Variants in KCTD8 observed in about 807,000 individuals in gnomAD.
KCTD8 encodes BTB/POZ domain-containing protein KCTD8.
In KCTD8, 27 loss-of-function variants were observed where a neutral mutation model predicts 31.5. The ratio of observed to expected loss-of-function variants is 0.86; its 90% CI spans 0.63 to 1.18. The LOEUF (loss-of-function observed/expected upper bound fraction) is 1.18. Among genes scored for constraint, KCTD8 ranks in the 50% most tolerant of loss-of-function variants. The pLI is 0.00. For missense variants in KCTD8, 658 were observed against 647.7 expected (o/e 1.02, Z -0.17); for synonymous variants, 290 against 280.0 (o/e 1.04, Z -0.36).
chr4:44,193,985 G>A (rs1270804322), intron 1 of KCTD8, among the ~76,000 whole-genome samples: 1 of 152,076 alleles, frequency 6.6e-6, no homozygotes, highest in East Asian at 1.9e-4. Context: ...AGATGTAGAG[G>A]GAATATAACA....
chr4:44,232,565 C>T (rs752942947), intron 1 of KCTD8, among the ~76,000 whole-genome samples: 22 of 152,076 alleles, frequency 1.4e-4, no homozygotes, highest in Non-Finnish European at 2.9e-4. Flanking sequence ...TTACTTTATC[C>T]TTGATTACAG....
chr4:44,416,503 G>A (rs1721080394), intron 1 of KCTD8, among the ~76,000 whole-genome samples: 1 of 152,180 alleles, frequency 6.6e-6, no homozygotes, highest in African/African-American at 2.4e-5. Context: ...CAATGTTGGA[G>A]GCGGGACCTA....
At chr4:44,235,434 CAT>C (rs1439259005) in intron 1 of KCTD8, among the ~76,000 whole-genome samples, 1 of 145,190 alleles carries the variant, frequency 6.9e-6, no homozygotes, top group Non-Finnish European at 1.5e-5. Flanking sequence ...CATACATAAA[CAT>C]CTCTCTATCT....
intron 1 of KCTD8, among the ~76,000 whole-genome samples, chr4:44,247,554 G>A (rs1241692782): frequency 2.6e-5 from 4 of 151,824 alleles, no homozygotes; most frequent in African/African-American, 7.2e-5. Flanking sequence ...ATGTCAATAA[G>A]CATATCTCTA....
At chr4:44,228,743 TA>T (rs1715037393) in intron 1 of KCTD8, among the ~76,000 whole-genome samples, 1 of 152,214 alleles carries the variant, frequency 6.6e-6, no homozygotes, top group Admixed American at 6.5e-5. Flanking sequence ...TCCTTCCTTA[TA>T]ACCTCCATTA....
At chr4:44,220,239 G>A (rs1224226736) in intron 1 of KCTD8, among the ~76,000 whole-genome samples, 1 of 152,188 alleles carries the variant, frequency 6.6e-6, no homozygotes, top group African/African-American at 2.4e-5. Context: ...TAATCACAGT[G>A]ATGATGAAAG....
At chr4:44,437,364 A>C (rs2109481725) in intron 1 of KCTD8, among the ~76,000 whole-genome samples, 1 of 152,296 alleles carries the variant, frequency 6.6e-6, no homozygotes, top group South Asian at 2.1e-4. Context: ...GAAAGGTAGG[A>C]AATATGTTCA....
chr4:44,337,220 G>A (rs2109416244), intron 1 of KCTD8, among the ~76,000 whole-genome samples: 1 of 152,262 alleles, frequency 6.6e-6, no homozygotes, highest in East Asian at 1.9e-4. Flanking sequence ...AGACAGGCTG[G>A]TAGGAGTATA....
intron 1 of KCTD8, among the ~76,000 whole-genome samples, chr4:44,243,127 T>C (rs1429938875): frequency 6.6e-5 from 10 of 152,238 alleles, no homozygotes; most frequent in African/African-American, 1.9e-4. Flanking sequence ...TGAAGACAGA[T>C]AACCACCAGG....
chr4:44,291,357 C>CA (rs914486625), intron 1 of KCTD8, among the ~76,000 whole-genome samples: 6 of 151,772 alleles, frequency 4.0e-5, no homozygotes, highest in African/African-American at 1.4e-4. Flanking sequence ...TTTGATTTTC[C>CA]AAAAAATTGT....
intron 1 of KCTD8, among the ~76,000 whole-genome samples, chr4:44,374,192 AAGATT>A (rs1719861788): frequency 1.3e-5 from 2 of 152,176 alleles, no homozygotes; most frequent in Non-Finnish European, 2.9e-5. Flanking sequence ...ATTTAAAGTG[AAGATT>A]AACGCAAAAA....
At chr4:44,304,394 C>A (rs1489570132) in intron 1 of KCTD8, among the ~76,000 whole-genome samples, 2 of 152,064 alleles carry the variant, frequency 1.3e-5, no homozygotes, top group Non-Finnish European at 2.9e-5. Flanking sequence ...AATAGTTTTC[C>A]TAATCTTTCT....
At chr4:44,223,379 T>C (rs1213484999) in intron 1 of KCTD8, among the ~76,000 whole-genome samples, 1 of 152,138 alleles carries the variant, frequency 6.6e-6, no homozygotes, top group Non-Finnish European at 1.5e-5. Flanking sequence ...CGTGTAGGTG[T>C]AGAAGGGTTA....
intron 1 of KCTD8, among the ~76,000 whole-genome samples, chr4:44,442,749 A>G (rs929087336): frequency 4.4e-5 from 6 of 137,668 alleles, no homozygotes; most frequent in Non-Finnish European, 9.3e-5. Flanking sequence ...CTTTTTTCCA[A>G]AGAGGCTTTT....
At chr4:44,180,481 G>A (rs1343721727) in intron 1 of KCTD8, among the ~76,000 whole-genome samples, 1 of 152,086 alleles carries the variant, frequency 6.6e-6, no homozygotes, top group Non-Finnish European at 1.5e-5. Context: ...CATCCATTGA[G>A]CATTTGTAAA....
intron 1 of KCTD8, among the ~76,000 whole-genome samples, chr4:44,192,695 A>G (rs1713801313): frequency 6.6e-6 from 1 of 152,182 alleles, no homozygotes; most frequent in Non-Finnish European, 1.5e-5. Context: ...TGTAAAGTAT[A>G]GATCCTGGGT....
intron 1 of KCTD8, among the ~76,000 whole-genome samples, chr4:44,345,942 C>A (rs71610100): frequency 0.044 from 6,673 of 150,994 alleles, 189 homozygotes; most frequent in Middle Eastern, 0.092. Context: ...CAAAAAAAAA[C>A]CACATACAAT....
At chr4:44,410,202 T>C (rs999545016) in intron 1 of KCTD8, among the ~76,000 whole-genome samples, 1 of 152,166 alleles carries the variant, frequency 6.6e-6, no homozygotes, top group African/African-American at 2.4e-5. Flanking sequence ...ATCTGTATGA[T>C]CTCTTTATAA....
intron 1 of KCTD8, among the ~76,000 whole-genome samples, chr4:44,354,058 C>A (rs144928469): frequency 1.6e-4 from 25 of 152,208 alleles, no homozygotes; most frequent in Non-Finnish European, 3.2e-4. Context: ...CATAACTCCC[C>A]CTTTCACATT....
Sources: gnomAD v4.1 joint callset for allele counts (sites outside exome capture counted in the v4.1 genomes callset) on GRCh38, gnomAD v4.1.1 for gene constraint, MANE v1.5 for transcripts, NCBI Gene and HGNC (gene_info 2026-07-23, HGNC 2026-07-21) for gene names.